The following DNAH3 variants were observed in gnomAD, a reference collection of about 807,000 sequenced individuals.
The protein encoded by DNAH3 is axonemal beta dynein heavy chain 3.
DNAH3 carries 332 observed loss-of-function variants against 432.5 expected under a neutral mutation model. That is an observed-to-expected ratio of 0.77 (90% CI 0.70 to 0.84). The LOEUF is 0.84. DNAH3 is among the 40% of genes least tolerant of loss of function. DNAH3 has a pLI of 0.00. For synonymous variants in DNAH3, 1,956 were observed against 1,900.2 expected, an observed-to-expected ratio of 1.03 and a Z score of -0.76; for missense variants, 4,861 against 5,114.0, an observed-to-expected ratio of 0.95 and a Z score of 1.51.
Position 21,008,816 on chromosome 16 carries a change from G to C in DNAH3, c.6023-5609C>G, listed in dbSNP as rs539285233. Among the ~76,000 whole-genome samples, 4 of 152,250 alleles carry C rather than the reference G, an allele frequency of 2.6e-5. No homozygotes were observed. In the South Asian group the frequency reaches 8.3e-4, roughly 32 times the overall value. On this transcript the variant is annotated intron_variant, in intron 41 of 61. Coordinates refer to ENST00000261383, the Ensembl canonical transcript of DNAH3. ...GGGAGATACGCCAGGCCAGAATCTT[G>C]TTTTCTCTCCTTATTCACTACTTCA...
intron 31 of DNAH3, among the ~76,000 whole-genome samples, chr16:21,048,430 C>T (rs2152741007): frequency 6.6e-6 from 1 of 152,310 alleles, no homozygotes; most frequent in South Asian, 2.1e-4. Flanking sequence ...GTGGGAGTGA[C>T]CCGATTTTCC....
chr16:21,092,698 C>CAA (rs61277332), intron 18 of DNAH3, among the ~76,000 whole-genome samples: 476 of 11,526 alleles, frequency 0.041, 122 homozygotes, highest in African/African-American at 0.055. Flanking sequence ...AAAATATTTG[C>CAA]AAAAAAAAAA....
rs2091969784 is a variant in DNAH3, at chr16:21,107,273, T to TAGA, written c.2100-600_2100-599insTCT. Among the ~76,000 whole-genome samples the TAGA allele has an allele frequency of 2.8e-5, 4 of 143,892 alleles. No individual in the cohort carries two copies. In the South Asian group the frequency reaches 8.9e-4, roughly 32 times the overall value. The allele number at this position is 143,892 out of a possible 152,430, so 94.4% of individuals were successfully genotyped here. Reference sequence around the variant, plus strand: ...TTTTTTTTTTTTTGAGACAGAGTCTTGCTCTGTCACCCAGGCTGGATTACA... The same window carrying TAGA: ...TTTTTTTTTTTTTGAGACAGAGTCTTAGAGCTCTGTCACCCAGGCTGGATTACA... On this transcript the variant is annotated intron_variant, in intron 14 of 61. Coordinates refer to ENST00000261383, the Ensembl canonical transcript of DNAH3.
chr16:21,116,497 C>G lies in DNAH3; in HGVS notation c.1814+706G>C, dbSNP rs368852618. Among the ~76,000 whole-genome samples, 64 of 152,172 alleles carry G rather than the reference C, an allele frequency of 4.2e-4. 1 individual carries two copies. The East Asian group carries it at 5.4e-3, about 13-fold the overall frequency. On this transcript the variant is annotated intron_variant, in intron 12 of 61. Coordinates refer to ENST00000261383, the Ensembl canonical transcript of DNAH3. ...TGCTTCCCCTTTTGCCACGACCGACCGACCATAAGTTTCCTGAGGCCACCC... is the reference window on the plus strand; with the variant it reads ...TGCTTCCCCTTTTGCCACGACCGACGGACCATAAGTTTCCTGAGGCCACCC...
intron 36 of DNAH3, among the ~76,000 whole-genome samples, chr16:21,031,513 G>A (rs2088871718): frequency 6.6e-6 from 1 of 151,724 alleles, no homozygotes; most frequent in Non-Finnish European, 1.5e-5. Flanking sequence ...AGGATGGGAG[G>A]ATCACTTGAA....
chr16:21,154,930 C>T (rs182210486), intron 1 of DNAH3, among the ~76,000 whole-genome samples: 6 of 151,074 alleles, frequency 4.0e-5, no homozygotes, highest in Admixed American at 3.3e-4. Context: ...TCAAGTTTCT[C>T]AATCTTCTTT....
exon 54 of DNAH3, chr16:20,959,386 T>A (rs1316681612): frequency 1.2e-6 from 2 of 1,612,220 alleles, no homozygotes; most frequent in African/African-American, 2.7e-5. Context: ...ACCAAGATCA[T>A]CAGCAAACTT....
At chr16:21,094,773 T>C (rs746119077) in intron 18 of DNAH3, among the ~76,000 whole-genome samples, 4 of 152,112 alleles carry the variant, frequency 2.6e-5, no homozygotes, top group African/African-American at 9.7e-5. Flanking sequence ...AATCCCCACA[T>C]GTTGTGGGAG....
chr16:21,111,603 T>A (rs1459140889), intron 14 of DNAH3, 23 bp downstream of exon 14: 1 of 1,596,300 alleles, frequency 6.3e-7, no homozygotes, highest in African/African-American at 1.3e-5. Flanking sequence ...CCATTGCTAT[T>A]TGTCTGCACA....
At chr16:21,099,717 AC>A (rs1297045880) in intron 16 of DNAH3, among the ~76,000 whole-genome samples, 6 of 152,322 alleles carry the variant, frequency 3.9e-5, no homozygotes, top group African/African-American at 1.4e-4. Context: ...AACAACAATA[AC>A]AAAAAAAAGC....
chr16:20,962,262 AC>A (rs1330872659), intron 53 of DNAH3, among the ~76,000 whole-genome samples: 3 of 152,220 alleles, frequency 2.0e-5, no homozygotes, highest in Non-Finnish European at 4.4e-5. Flanking sequence ...GGCCACTAAA[AC>A]TATTAAAGTC....
intron 1 of DNAH3, among the ~76,000 whole-genome samples, chr16:21,156,191 T>TTTTA (rs2092896240): frequency 7.1e-6 from 1 of 141,042 alleles, no homozygotes; most frequent in Non-Finnish European, 1.5e-5. Flanking sequence ...TTTTATTTTA[T>TTTTA]TTTATTTTAT....
chr16:21,148,698 T>C (rs1369900702), intron 1 of DNAH3, among the ~76,000 whole-genome samples: 1 of 152,118 alleles, frequency 6.6e-6, no homozygotes, highest in Non-Finnish European at 1.5e-5. Flanking sequence ...GGCTATGTCA[T>C]AGGCTTGGAC....
chr16:21,106,475 T>A lies in DNAH3; in HGVS notation c.2284+15A>T. ...AGGTATGCATTTCGATGGTCACACA[T>A]GGCATTGGACTTACACGGCAAGTCT... On this transcript the variant is annotated intron_variant, in intron 15 of 61. Coordinates refer to ENST00000261383, the Ensembl canonical transcript of DNAH3. 3.2e-6 allele frequency: 5 copies of A among 1,561,412 alleles called. No individual in the cohort carries two copies. Among genetic ancestry groups the A allele is most frequent in the Non-Finnish European group, 3.5e-6 (4 of 1,144,764 alleles).
Position 21,000,537 on chromosome 16 carries a change from G to A in DNAH3, c.6127-19C>T. ...CTGAGACCTGTACCACACAGACATG[G>A]GAGAGTCTCGGTTGTGGGCCCAGGA... On this transcript the variant is annotated intron_variant, in intron 42 of 61. Coordinates refer to ENST00000261383, the Ensembl canonical transcript of DNAH3. 1 of 1,570,412 alleles carries A rather than the reference G, an allele frequency of 6.4e-7. No individual in the cohort carries two copies. Among genetic ancestry groups the A allele is most frequent in the Non-Finnish European group, 8.7e-7 (1 of 1,155,568 alleles).
intron 51 of DNAH3, among the ~76,000 whole-genome samples, chr16:20,974,455 T>C (rs1051338384): frequency 6.6e-6 from 1 of 151,318 alleles, no homozygotes; most frequent in Non-Finnish European, 1.5e-5. Flanking sequence ...GAGCTATGGA[T>C]TGCAGTGGCA....
chr16:21,125,603 A>G (rs2092432387), intron 8 of DNAH3, among the ~76,000 whole-genome samples: 1 of 152,196 alleles, frequency 6.6e-6, no homozygotes, highest in Non-Finnish European at 1.5e-5. Context: ...ACCCAAATGG[A>G]AAGGGGATAT....
rs2091909991 is a variant in DNAH3, at chr16:21,104,731, G to A, written c.2285-179C>T. The A allele has an allele frequency of 2.7e-5, 16 of 586,422 alleles. 1 individual carries two copies. 36.3% of individuals were successfully genotyped at this position (586,422 alleles called of 1,614,324 possible). On this transcript the variant is annotated intron_variant, in intron 15 of 61. Transcript: ENST00000261383. ...AATGAACACATGGATGAGTGACAGT[G>A]ACATTTGTTGAGCACTTACTAAGGG...
intron 32 of DNAH3, among the ~76,000 whole-genome samples, chr16:21,041,729 C>T (rs1056551824): frequency 6.6e-6 from 1 of 152,142 alleles, no homozygotes; most frequent in African/African-American, 2.4e-5. Context: ...AGTGCAACGG[C>T]GCTATCTCCG....
Sources: allele counts gnomAD v4.1 joint callset (sites outside exome capture counted in the v4.1 genomes callset), GRCh38; gene constraint gnomAD v4.1.1; transcripts MANE v1.5; gene names NCBI Gene and HGNC (gene_info 2026-07-23, HGNC 2026-07-21).